Variants in RPS6KC1 observed in about 807,000 individuals in gnomAD.
RPS6KC1 encodes the protein inactive ribosomal protein S6 kinase delta-1.
In RPS6KC1, 54 loss-of-function variants were observed where a neutral mutation model predicts 103.8. The ratio of observed to expected loss-of-function variants is 0.52; its 90% confidence interval spans 0.42 to 0.65. RPS6KC1 has a LOEUF of 0.65. Ranked by LOEUF, RPS6KC1 falls within the 30% of genes least tolerant of loss-of-function variation. The pLI, the probability that RPS6KC1 is intolerant of heterozygous loss-of-function variation, is 0.00. For synonymous variants in RPS6KC1, 439 were observed against 438.7 expected (o/e 1.00, Z -0.01); for missense variants, 1,151 against 1,253.8 (o/e 0.92, Z 1.24).
chr1:213,287,232 ATGTGTGTGTGTGTGTGTGTGTG>A, the RPS6KC1 span, among the ~76,000 whole-genome samples: 2 of 146,732 alleles, frequency 1.4e-5, no homozygotes, highest in Non-Finnish European at 3.0e-5. Flanking sequence ...TGCCTATACA[ATGTGTGTGTGTGTGTGTGTGTG>A]TGTGTGTGTG....
At chr1:213,791,666 G>T in the RPS6KC1 span, among the ~76,000 whole-genome samples, 1 of 152,154 alleles carries the variant, frequency 6.6e-6, no homozygotes, top group Admixed American at 6.5e-5. Flanking sequence ...ATTACTGTAA[G>T]TTTGTGACAG....
rs762607265 is a variant in RPS6KC1 at position 213,242,370 on chromosome 1, T to C, written c.2821+73T>C. ...AATTAACTGAGTAGGCGTTTTATCT[T>C]GTAATTAGTATCTTCATTTCCTGTC... On this transcript the variant is annotated intron_variant, in intron 11 of 14. Coordinates refer to ENST00000366960, the MANE Select transcript of RPS6KC1 (RefSeq NM_012424.6). 1.1e-4 allele frequency: 168 copies of C among 1,514,598 alleles called. No homozygotes were observed. In the Admixed American group the frequency reaches 2.8e-3, roughly 25 times the overall value. The allele number at this position is 1,514,598 out of a possible 1,614,324, so 93.8% of individuals were successfully genotyped here.
chr1:213,637,323 G>A, the RPS6KC1 span, among the ~76,000 whole-genome samples: 1 of 151,308 alleles, frequency 6.6e-6, no homozygotes, highest in Non-Finnish European at 1.5e-5. Context: ...TATGTTTATT[G>A]TGGCACTATT....
intron 4 of RPS6KC1, among the ~76,000 whole-genome samples, chr1:213,116,318 T>C (rs1029108911): frequency 8.7e-5 from 13 of 149,064 alleles, no homozygotes; most frequent in African/African-American, 3.0e-4. Context: ...TGGCCTTCTT[T>C]GTCTCTTTTG....
the RPS6KC1 span, among the ~76,000 whole-genome samples, chr1:213,807,163 G>T: frequency 6.6e-6 from 1 of 152,198 alleles, no homozygotes; most frequent in Admixed American, 6.5e-5. Flanking sequence ...TTAGTCTGAT[G>T]GGCTTCCCTT....
At chr1:213,630,165 A>G in the RPS6KC1 span, among the ~76,000 whole-genome samples, 1 of 152,188 alleles carries the variant, frequency 6.6e-6, no homozygotes, top group Non-Finnish European at 1.5e-5. Context: ...CGTGGATAAT[A>G]TCCTGCAGAG....
At chr1:213,319,342 G>A in the RPS6KC1 span, among the ~76,000 whole-genome samples, 5 of 147,054 alleles carry the variant, frequency 3.4e-5, no homozygotes, top group Non-Finnish European at 4.5e-5. Context: ...AGCTAGCAAG[G>A]TGCTGTCATG....
the RPS6KC1 span, among the ~76,000 whole-genome samples, chr1:213,383,864 GA>G: frequency 3.9e-5 from 6 of 152,114 alleles, no homozygotes; most frequent in African/African-American, 1.4e-4. Context: ...CTGGCACCTT[GA>G]TCTTGGACTT....
At chr1:213,318,193 T>C in the RPS6KC1 span, among the ~76,000 whole-genome samples, 2 of 152,266 alleles carry the variant, frequency 1.3e-5, no homozygotes, top group African/African-American at 4.8e-5. Flanking sequence ...AGTGTGAGTA[T>C]CAGACATCAT....
chr1:213,256,727 G>C (rs1558644004), intron 12 of RPS6KC1, among the ~76,000 whole-genome samples: 1 of 152,104 alleles, frequency 6.6e-6, no homozygotes, highest in Non-Finnish European at 1.5e-5. Context: ...ATCCACATTT[G>C]GAGCAGTACA....
chr1:213,748,956 C>T, the RPS6KC1 span, among the ~76,000 whole-genome samples: 12 of 152,290 alleles, frequency 7.9e-5, no homozygotes, highest in African/African-American at 2.2e-4. Flanking sequence ...CCAGACCCTC[C>T]GCAGTGTTGG....
At chr1:213,171,247 A>G (rs946998541) in intron 7 of RPS6KC1, among the ~76,000 whole-genome samples, 14 of 152,092 alleles carry the variant, frequency 9.2e-5, no homozygotes, top group African/African-American at 2.4e-4. Flanking sequence ...TTGCTTCATT[A>G]CTAAAAGGCT....
the RPS6KC1 span, among the ~76,000 whole-genome samples, chr1:213,375,614 T>C: frequency 6.6e-6 from 1 of 152,098 alleles, no homozygotes; most frequent in Non-Finnish European, 1.5e-5. Flanking sequence ...GGAGCACATA[T>C]TGGTTAGGAT....
At chr1:213,518,249 T>C in the RPS6KC1 span, among the ~76,000 whole-genome samples, 2,296 of 152,304 alleles carry the variant, frequency 0.015, 65 homozygotes, top group African/African-American at 0.053. Flanking sequence ...GTGACTATGG[T>C]CTCACTTGGA....
the RPS6KC1 span, among the ~76,000 whole-genome samples, chr1:213,386,968 CAG>C: frequency 1.3e-5 from 2 of 152,224 alleles, no homozygotes; most frequent in Non-Finnish European, 1.5e-5. Context: ...GATCTGAGGG[CAG>C]AGAGTCAGCT....
chr1:213,812,723 G>C, the RPS6KC1 span, among the ~76,000 whole-genome samples: 1 of 152,174 alleles, frequency 6.6e-6, no homozygotes, highest in Non-Finnish European at 1.5e-5. Context: ...CAAGCCTTGA[G>C]GGAACTGTTC....
intron 1 of RPS6KC1, among the ~76,000 whole-genome samples, chr1:213,069,574 T>C (rs1416202842): frequency 6.6e-6 from 1 of 152,228 alleles, no homozygotes; most frequent in African/African-American, 2.4e-5. Flanking sequence ...TGTTGCTGAA[T>C]GGATTATAAT....
the RPS6KC1 span, among the ~76,000 whole-genome samples, chr1:213,513,465 G>GAGAT: frequency 0.61 from 92,221 of 151,746 alleles, 29,124 homozygotes; most frequent in East Asian, 0.71. Context: ...ATTGAAGAAA[G>GAGAT]AGATAGCACA....
chr1:213,649,336 T>A, the RPS6KC1 span, among the ~76,000 whole-genome samples: 1 of 150,372 alleles, frequency 6.7e-6, no homozygotes, highest in African/African-American at 2.4e-5. Context: ...TGGCGGACAA[T>A]TCCCTGAAGA....
Sources: gnomAD v4.1 joint callset for allele counts (sites outside exome capture counted in the v4.1 genomes callset) on GRCh38, gnomAD v4.1.1 for gene constraint, MANE v1.5 for transcripts, NCBI Gene and HGNC (gene_info 2026-07-23, HGNC 2026-07-21) for gene names.